Variants in RIMS1 observed in about 807,000 individuals in gnomAD.
The protein encoded by RIMS1 is regulating synaptic membrane exocytosis protein 1.
RIMS1 carries 83 observed loss-of-function variants against 214.1 expected under a neutral mutation model. The ratio of observed to expected loss-of-function variants is 0.39; its 90% CI spans 0.32 to 0.47. RIMS1 has a LOEUF of 0.47. Among genes scored for constraint, RIMS1 ranks in the 20% least tolerant of loss-of-function variants. The pLI is 0.99. For missense variants in RIMS1, 2,050 were observed against 2,161.8 expected (o/e 0.95, Z 1.03); for synonymous variants, 793 against 786.8 (o/e 1.01, Z -0.13).
chr6:72,357,371 A>G (rs2097680495), intron 29 of RIMS1, among the ~76,000 whole-genome samples: 2 of 152,198 alleles, frequency 1.3e-5, no homozygotes, highest in Non-Finnish European at 2.9e-5. Context: ...TGGTGCACAT[A>G]CATGAACTGC....
chr6:72,050,846 C>A (rs1824440930), intron 2 of RIMS1, among the ~76,000 whole-genome samples: 1 of 152,176 alleles, frequency 6.6e-6, no homozygotes, highest in Non-Finnish European at 1.5e-5. Context: ...CCAGGAATGA[C>A]TCTATTTTAT....
intron 4 of RIMS1, among the ~76,000 whole-genome samples, chr6:72,107,560 CA>C (rs1398282698): frequency 6.6e-6 from 1 of 151,084 alleles, no homozygotes; most frequent in African/African-American, 2.4e-5. Flanking sequence ...GACTCCATCT[CA>C]AAAGAAAAAA....
intron 1 of RIMS1, among the ~76,000 whole-genome samples, chr6:71,895,345 T>C (rs1399431790): frequency 6.6e-6 from 1 of 152,226 alleles, no homozygotes; most frequent in Non-Finnish European, 1.5e-5. Context: ...ATTATTGTTT[T>C]TGTTGTTTAA....
chr6:72,296,876 G>A (rs1386621410), intron 26 of RIMS1, among the ~76,000 whole-genome samples: 2 of 151,796 alleles, frequency 1.3e-5, no homozygotes, highest in African/African-American at 4.8e-5. Context: ...CAAACTGCTT[G>A]TCAGTAGTAG....
chr6:72,174,018 A>C (rs928889956), intron 4 of RIMS1, among the ~76,000 whole-genome samples: 1 of 152,110 alleles, frequency 6.6e-6, no homozygotes, highest in African/African-American at 2.4e-5. Context: ...CATCTGTTTT[A>C]ATTCTATTTC....
intron 6 of RIMS1, among the ~76,000 whole-genome samples, chr6:72,193,632 C>T (rs1304238916): frequency 6.6e-6 from 1 of 152,180 alleles, no homozygotes; most frequent in African/African-American, 2.4e-5. Flanking sequence ...CACCTTGTGA[C>T]ACTGCACAAG....
chr6:71,944,789 A>G (rs1037494996), intron 1 of RIMS1, among the ~76,000 whole-genome samples: 1 of 152,196 alleles, frequency 6.6e-6, no homozygotes, highest in Non-Finnish European at 1.5e-5. Flanking sequence ...AAATATTACA[A>G]TGTATGCACT....
At position 71,962,050 on chromosome 6, in the gene RIMS1, T is replaced by C. The variant is rs563010629; in HGVS notation, c.165-6933T>C. Among the ~76,000 whole-genome samples the C allele has an allele frequency of 3.3e-5, 5 of 152,238 alleles. No individual in the cohort carries two copies. The East Asian group carries it at 9.6e-4, about 29-fold the overall frequency. On this transcript the variant is annotated intron_variant, in intron 1 of 33. Transcript: ENST00000521978. The stretch of plus-strand genomic sequence containing the variant: ...AATAATAGCTTGAGTAAAAAGAGGT[T>C]AATTGGACATGTTGCCAAAATCTTG...
chr6:72,090,965 A>G (rs548353920), intron 2 of RIMS1, among the ~76,000 whole-genome samples: 1 of 152,304 alleles, frequency 6.6e-6, no homozygotes, highest in African/African-American at 2.4e-5. Flanking sequence ...TAACTTCATA[A>G]GGACTTGGTG....
chr6:71,919,395 G>A (rs1379074213), intron 1 of RIMS1, among the ~76,000 whole-genome samples: 1 of 151,914 alleles, frequency 6.6e-6, no homozygotes, highest in Non-Finnish European at 1.5e-5. Context: ...TATAAACAGA[G>A]GACACGGGAA....
At chr6:72,323,865 A>G (rs1395088449) in intron 28 of RIMS1, among the ~76,000 whole-genome samples, 1 of 151,954 alleles carries the variant, frequency 6.6e-6, no homozygotes, top group Non-Finnish European at 1.5e-5. Context: ...AGATATGACT[A>G]GCTGAAATTT....
At chr6:72,197,248 C>T (rs1191721456) in intron 6 of RIMS1, among the ~76,000 whole-genome samples, 3 of 152,054 alleles carry the variant, frequency 2.0e-5, no homozygotes, top group Non-Finnish European at 2.9e-5. Context: ...AAATGATCTA[C>T]GTGGAAACAC....
chr6:71,927,973 A>G (rs1782009577), intron 1 of RIMS1, among the ~76,000 whole-genome samples: 1 of 152,144 alleles, frequency 6.6e-6, no homozygotes, highest in Non-Finnish European at 1.5e-5. Context: ...CATAAGCTAG[A>G]AAGTTAGTAT....
Position 71,909,467 on chromosome 6 carries a change from A to G in RIMS1, c.164+22280A>G, listed in dbSNP as rs550559124. On this transcript the variant is annotated intron_variant, in intron 1 of 33. Transcript: ENST00000521978. The stretch of plus-strand genomic sequence containing the variant: ...ATTCTGTGGGGCAAATTGACATCCA[A>G]ATCACAAGTTAGCTGAGGAATTCCT... Among the ~76,000 whole-genome samples the G allele has an allele frequency of 7.2e-5, 11 of 152,268 alleles. No homozygotes were observed. In the East Asian group the frequency reaches 1.5e-3, roughly 21 times the overall value.
chr6:72,269,276 A>C, intron 22 of RIMS1, among the ~76,000 whole-genome samples: 1 of 152,138 alleles, frequency 6.6e-6, no homozygotes, highest in South Asian at 2.1e-4. Context: ...TCTTCCATTA[A>C]GTACCTCTAC....
At chr6:71,887,985 C>T (rs1287077875) in intron 1 of RIMS1, among the ~76,000 whole-genome samples, 2 of 152,136 alleles carry the variant, frequency 1.3e-5, no homozygotes. Context: ...AGGAAACAGT[C>T]CAATAAGGGA....
At chr6:72,352,106 T>G (rs2097470433) in intron 29 of RIMS1, among the ~76,000 whole-genome samples, 1 of 152,224 alleles carries the variant, frequency 6.6e-6, no homozygotes, top group African/African-American at 2.4e-5. Flanking sequence ...CAGTGAACCT[T>G]CTGACTCTGC....
rs1177416354 is a variant in RIMS1, at chr6:72,265,072, GTCCCACCCAGTTATAAAGTAAT to G, written c.3194+24_3194+45del. 1.4e-6 allele frequency: 2 copies of G among 1,392,978 alleles called. No individual in the cohort carries two copies. The highest frequency in any genetic ancestry group is 1.9e-5 in the Admixed American group (1 of 53,286). The allele number at this position is 1,392,978 out of a possible 1,614,324, so 86.3% of individuals were successfully genotyped here. A position where few individuals can be genotyped will look rare whatever the true frequency, so the allele number is the denominator to read the frequency against. ...TTACAGGTAAGAGCCCTAACAGTGAGTCCCACCCAGTTATAAAGTAATTCCTAATCCCTTGCCTACTAAAAAT... is the reference window on the plus strand; with the variant it reads ...TTACAGGTAAGAGCCCTAACAGTGAGTCCTAATCCCTTGCCTACTAAAAAT... On this transcript the variant is annotated intron_variant, in intron 20 of 33. Coordinates refer to ENST00000521978, the MANE Select transcript of RIMS1 (RefSeq NM_014989.7).
intron 26 of RIMS1, among the ~76,000 whole-genome samples, chr6:72,299,774 A>G (rs1273668602): frequency 2.0e-5 from 3 of 151,878 alleles, no homozygotes; most frequent in African/African-American, 7.2e-5. Flanking sequence ...TGGTTGTGAA[A>G]CACTATAAGA....
Sources: allele counts gnomAD v4.1 joint callset (sites outside exome capture counted in the v4.1 genomes callset), GRCh38; gene constraint gnomAD v4.1.1; transcripts MANE v1.5; gene names NCBI Gene and HGNC (gene_info 2026-07-23, HGNC 2026-07-21).